Variants in GALNTL6 observed in about 807,000 individuals in gnomAD.
The protein encoded by GALNTL6 is polypeptide N-acetylgalactosaminyltransferase-like 6.
In GALNTL6, 46 loss-of-function variants were observed where a neutral mutation model predicts 73.7. That is an observed-to-expected ratio of 0.62 (90% CI 0.49 to 0.80). GALNTL6 has a LOEUF of 0.80. Among genes scored for constraint, GALNTL6 ranks in the 30% least tolerant of loss-of-function variants. GALNTL6 has a pLI of 0.00. For synonymous variants in GALNTL6, 259 were observed against 263.7 expected, an observed-to-expected ratio of 0.98 and a Z score of 0.17; for missense variants, 604 against 755.0, an observed-to-expected ratio of 0.80 and a Z score of 2.34.
chr4:172,408,510 T>A (rs868304440), intron 5 of GALNTL6, among the ~76,000 whole-genome samples: 1 of 151,982 alleles, frequency 6.6e-6, no homozygotes, highest in South Asian at 2.1e-4. Context: ...ATGTGTGACA[T>A]AAATATAAAA....
intron 2 of GALNTL6, among the ~76,000 whole-genome samples, chr4:172,159,274 A>G (rs995893021): frequency 2.6e-5 from 4 of 152,150 alleles, no homozygotes; most frequent in African/African-American, 9.7e-5. Flanking sequence ...CCTGGCACCT[A>G]CTGTATCTAG....
intron 6 of GALNTL6, among the ~76,000 whole-genome samples, chr4:172,810,059 G>A (rs960462948): frequency 2.0e-5 from 3 of 152,120 alleles, no homozygotes; most frequent in East Asian, 1.9e-4. Context: ...TTAAAATGCC[G>A]TTTCTTTTCT....
At chr4:171,928,110 GT>G (rs1283408098) in intron 2 of GALNTL6, among the ~76,000 whole-genome samples, 3 of 152,076 alleles carry the variant, frequency 2.0e-5, no homozygotes, top group African/African-American at 4.8e-5. Flanking sequence ...TTTTAACTAT[GT>G]TTTTTCAAAT....
intron 5 of GALNTL6, among the ~76,000 whole-genome samples, chr4:172,521,431 C>G (rs1407134582): frequency 2.6e-5 from 4 of 152,114 alleles, no homozygotes; most frequent in Non-Finnish European, 5.9e-5. Context: ...AAGGCAAATC[C>G]AGAACTATGA....
chr4:171,986,277 G>T (rs186660348), intron 2 of GALNTL6, among the ~76,000 whole-genome samples: 7 of 152,024 alleles, frequency 4.6e-5, no homozygotes, highest in Admixed American at 3.9e-4. Flanking sequence ...CAGTCAAAGG[G>T]GGGGTGTTCT....
intron 2 of GALNTL6, among the ~76,000 whole-genome samples, chr4:171,974,737 T>C (rs935966460): frequency 1.5e-5 from 2 of 130,066 alleles, no homozygotes; most frequent in African/African-American, 5.7e-5. Flanking sequence ...TAATAAAATA[T>C]TTTCTTTGTG....
At chr4:172,370,013 T>A (rs1742735104) in intron 5 of GALNTL6, among the ~76,000 whole-genome samples, 1 of 152,158 alleles carries the variant, frequency 6.6e-6, no homozygotes, top group Admixed American at 6.5e-5. Context: ...TGCTAGCATG[T>A]TGTCACCTCT....
intron 5 of GALNTL6, among the ~76,000 whole-genome samples, chr4:172,638,880 A>G (rs1310324002): frequency 6.6e-6 from 1 of 152,056 alleles, no homozygotes; most frequent in African/African-American, 2.4e-5. Context: ...AACACTTTTG[A>G]AGAGTACTGA....
chr4:172,951,266 T>G (rs921090182), intron 9 of GALNTL6, among the ~76,000 whole-genome samples: 1 of 152,248 alleles, frequency 6.6e-6, no homozygotes, highest in African/African-American at 2.4e-5. Context: ...GTTGCCATTT[T>G]CAGGTGAGGA....
chr4:172,152,289 T>C (rs1734114066), intron 2 of GALNTL6, among the ~76,000 whole-genome samples: 1 of 152,228 alleles, frequency 6.6e-6, no homozygotes, highest in African/African-American at 2.4e-5. Flanking sequence ...CCATTTCCTA[T>C]ATTTTTTAAT....
At chr4:171,818,766 T>G (rs1734600074) in intron 2 of GALNTL6, among the ~76,000 whole-genome samples, 1 of 152,120 alleles carries the variant, frequency 6.6e-6, no homozygotes, top group South Asian at 2.1e-4. Flanking sequence ...TGTTTCTGTC[T>G]TGTAAACTGT....
intron 9 of GALNTL6, among the ~76,000 whole-genome samples, chr4:172,937,802 G>A (rs1302361565): frequency 6.6e-6 from 1 of 152,142 alleles, no homozygotes; most frequent in African/African-American, 2.4e-5. Flanking sequence ...GCTCATTATG[G>A]AATGAAATCT....
At chr4:172,872,990 C>T (rs1745021512) in intron 7 of GALNTL6, among the ~76,000 whole-genome samples, 1 of 152,346 alleles carries the variant, frequency 6.6e-6, no homozygotes, top group Non-Finnish European at 1.5e-5. Context: ...CAAACTCACC[C>T]TCTCTATGCC....
chr4:172,528,545 C>A (rs1255176995), intron 5 of GALNTL6, among the ~76,000 whole-genome samples: 1 of 150,918 alleles, frequency 6.6e-6, no homozygotes, highest in Non-Finnish European at 1.5e-5. Context: ...TTTTATAACA[C>A]CATGTTAGCC....
intron 4 of GALNTL6, among the ~76,000 whole-genome samples, chr4:172,346,539 T>C (rs1741746311): frequency 6.6e-6 from 1 of 152,214 alleles, no homozygotes; most frequent in Non-Finnish European, 1.5e-5. Context: ...TACAACATTT[T>C]CCAAATTGGC....
At chr4:172,880,496 T>C (rs1412025199) in intron 7 of GALNTL6, among the ~76,000 whole-genome samples, 1 of 152,058 alleles carries the variant, frequency 6.6e-6, no homozygotes, top group Non-Finnish European at 1.5e-5. Flanking sequence ...AGTCATTGCC[T>C]GTTGGAAGGA....
intron 5 of GALNTL6, among the ~76,000 whole-genome samples, chr4:172,438,961 A>G (rs1731733802): frequency 6.6e-6 from 1 of 152,000 alleles, no homozygotes; most frequent in South Asian, 2.1e-4. Context: ...CCTATGAATG[A>G]ATATCCGTCC....
At chr4:172,693,707 G>C (rs1360539934) in intron 5 of GALNTL6, among the ~76,000 whole-genome samples, 1 of 152,088 alleles carries the variant, frequency 6.6e-6, no homozygotes, top group Non-Finnish European at 1.5e-5. Context: ...CTGATTCTCT[G>C]CCTTGGGAAG....
intron 5 of GALNTL6, among the ~76,000 whole-genome samples, chr4:172,361,616 A>C (rs1742373555): frequency 6.6e-6 from 1 of 152,152 alleles, no homozygotes; most frequent in African/African-American, 2.4e-5. Context: ...GAATAATATC[A>C]GTGTATTCTA....
Sources: allele counts gnomAD v4.1 joint callset (sites outside exome capture counted in the v4.1 genomes callset), GRCh38; gene constraint gnomAD v4.1.1; transcripts MANE v1.5; gene names NCBI Gene and HGNC (gene_info 2026-07-23, HGNC 2026-07-21).